Variants in GPC5 observed in about 807,000 individuals in gnomAD.
GPC5 encodes the protein glypican 5, also known as glypican-5.
GPC5 carries 47 observed loss-of-function variants against 53.9 expected under a neutral mutation model. That is an observed-to-expected ratio of 0.87 (90% CI 0.69 to 1.11). The LOEUF (loss-of-function observed/expected upper bound fraction) is 1.11. GPC5 is among the 50% of genes most tolerant of loss of function. The pLI, the probability that GPC5 is intolerant of heterozygous loss-of-function variation, is 0.00. For missense variants in GPC5, 748 were observed against 713.1 expected (o/e 1.05, Z -0.56); for synonymous variants, 286 against 263.3 (o/e 1.09, Z -0.84).
chr13:92,021,893 A>G (rs1167262755), intron 6 of GPC5, among the ~76,000 whole-genome samples: 1 of 152,234 alleles, frequency 6.6e-6, no homozygotes, highest in Non-Finnish European at 1.5e-5. Flanking sequence ...TTAGATTATT[A>G]GTCAAACTGT....
At chr13:92,292,139 T>C (rs1017449096) in intron 7 of GPC5, among the ~76,000 whole-genome samples, 2 of 152,254 alleles carry the variant, frequency 1.3e-5, no homozygotes, top group African/African-American at 4.8e-5. Context: ...TGTGCTGCTG[T>C]AAACATGCAT....
At chr13:92,669,793 T>G (rs981041890) in intron 7 of GPC5, among the ~76,000 whole-genome samples, 8 of 152,092 alleles carry the variant, frequency 5.3e-5, no homozygotes, top group African/African-American at 1.9e-4. Flanking sequence ...TAACTCAGAA[T>G]TGCACACAAG....
chr13:91,511,005 T>C (rs755979315), intron 2 of GPC5, among the ~76,000 whole-genome samples: 1 of 152,144 alleles, frequency 6.6e-6, no homozygotes, highest in Non-Finnish European at 1.5e-5. Flanking sequence ...GGAAAGGTTT[T>C]GCCACCCTGA....
At chr13:91,558,264 T>A (rs1399754935) in intron 2 of GPC5, among the ~76,000 whole-genome samples, 1 of 152,092 alleles carries the variant, frequency 6.6e-6, no homozygotes, top group African/African-American at 2.4e-5. Context: ...GAGCAGGTAA[T>A]TCCTGGAGCA....
chr13:92,316,807 G>T (rs2043182350), intron 7 of GPC5, among the ~76,000 whole-genome samples: 1 of 152,068 alleles, frequency 6.6e-6, no homozygotes. Context: ...AAATTTTGAT[G>T]TTGAGCTTTA....
intron 2 of GPC5, among the ~76,000 whole-genome samples, chr13:91,522,805 G>C (rs1885890877): frequency 6.6e-6 from 1 of 152,124 alleles, no homozygotes; most frequent in Admixed American, 6.6e-5. Context: ...TGAGAATGAT[G>C]GTTTCCAGCT....
intron 7 of GPC5, among the ~76,000 whole-genome samples, chr13:92,173,920 C>A (rs537000322): frequency 6.6e-6 from 1 of 152,024 alleles, no homozygotes; most frequent in Non-Finnish European, 1.5e-5. Flanking sequence ...GCCTGGCCAA[C>A]GTGGTGAAAC....
At chr13:92,433,296 A>G (rs1185478630) in intron 7 of GPC5, among the ~76,000 whole-genome samples, 1 of 152,128 alleles carries the variant, frequency 6.6e-6, no homozygotes, top group Non-Finnish European at 1.5e-5. Context: ...AGAGATAGCT[A>G]TGGGGATGAG....
intron 4 of GPC5, among the ~76,000 whole-genome samples, chr13:91,738,392 G>A (rs1205714315): frequency 6.6e-6 from 1 of 151,206 alleles, no homozygotes; most frequent in African/African-American, 2.5e-5. Flanking sequence ...CCATAACCGT[G>A]GTTGACTTAT....
At chr13:92,268,150 T>A (rs949778621) in intron 7 of GPC5, among the ~76,000 whole-genome samples, 1 of 152,124 alleles carries the variant, frequency 6.6e-6, no homozygotes, top group African/African-American at 2.4e-5. Context: ...TTACTATTTA[T>A]GTGCTATCAC....
At chr13:91,586,005 C>G (rs1419553338) in intron 2 of GPC5, among the ~76,000 whole-genome samples, 1 of 97,528 alleles carries the variant, frequency 1.0e-5, no homozygotes, top group East Asian at 3.9e-4. Context: ...TACAACCCCC[C>G]ACCCCCCACC....
At chr13:92,589,687 A>T (rs1183782518) in intron 7 of GPC5, among the ~76,000 whole-genome samples, 2 of 152,216 alleles carry the variant, frequency 1.3e-5, no homozygotes, top group Non-Finnish European at 2.9e-5. Flanking sequence ...ACAACAAATA[A>T]GGTAATCAGG....
chr13:92,193,510 T>C (rs2042237957), intron 7 of GPC5, among the ~76,000 whole-genome samples: 2 of 152,180 alleles, frequency 1.3e-5, no homozygotes, highest in Admixed American at 6.5e-5. Flanking sequence ...AATCCTATAT[T>C]GGATAATGGA....
intron 5 of GPC5, among the ~76,000 whole-genome samples, chr13:91,822,309 T>C (rs2038508031): frequency 6.6e-6 from 1 of 152,176 alleles, no homozygotes; most frequent in African/African-American, 2.4e-5. Flanking sequence ...TTAATTTCCA[T>C]GGACACTCTT....
chr13:91,819,525 T>C (rs1246322936), intron 5 of GPC5, among the ~76,000 whole-genome samples: 1 of 152,182 alleles, frequency 6.6e-6, no homozygotes, highest in Non-Finnish European at 1.5e-5. Flanking sequence ...TAGATTATTT[T>C]GTTTCTGGCA....
Position 91,784,063 on chromosome 13 carries a change from T to C in GPC5, c.1280+27643T>C, listed in dbSNP as rs72644025. On this transcript the variant is annotated intron_variant, in intron 5 of 7. Coordinates refer to ENST00000377067, the MANE Select transcript of GPC5 (RefSeq NM_004466.6). The stretch of plus-strand genomic sequence containing the variant: ...TTTAAAACAGAGATATATTAGAAAC[T>C]ATGAGACATATTAAATCAGAGACAG... Among the ~76,000 whole-genome samples the C allele has an allele frequency of 6.8e-3, 1,028 of 152,238 alleles. 11 individuals carry two copies. The highest frequency in any genetic ancestry group is 9.2e-3 in the Non-Finnish European group (625 of 68,012).
At chr13:92,756,981 T>C (rs1360407416) in intron 7 of GPC5, among the ~76,000 whole-genome samples, 3 of 151,720 alleles carry the variant, frequency 2.0e-5, no homozygotes, top group Non-Finnish European at 4.4e-5. Flanking sequence ...GAAAAAACTA[T>C]TTTAAAGTTC....
At chr13:92,420,894 G>T (rs1182122198) in intron 7 of GPC5, among the ~76,000 whole-genome samples, 1 of 152,122 alleles carries the variant, frequency 6.6e-6, no homozygotes, top group Non-Finnish European at 1.5e-5. Context: ...TTCATCTGTT[G>T]ATGGACACCT....
At chr13:92,250,650 T>C (rs9301789) in intron 7 of GPC5, among the ~76,000 whole-genome samples, 82,429 of 151,898 alleles carry the variant, frequency 0.54, 22,803 homozygotes, top group South Asian at 0.65. Flanking sequence ...ATTATTACTT[T>C]TGACACATGA....
Sources: gnomAD v4.1 joint callset for allele counts (sites outside exome capture counted in the v4.1 genomes callset) on GRCh38, gnomAD v4.1.1 for gene constraint, MANE v1.5 for transcripts, NCBI Gene and HGNC (gene_info 2026-07-23, HGNC 2026-07-21) for gene names.